Variants in NCALD observed in about 807,000 individuals in gnomAD.
NCALD encodes the protein neurocalcin-delta.
A neutral mutation model predicts 18.6 loss-of-function variants in NCALD; 10 were observed. The ratio of observed to expected loss-of-function variants is 0.54; its 90% CI spans 0.33 to 0.91. NCALD has a LOEUF of 0.91. Among genes scored for constraint, NCALD ranks in the 40% least tolerant of loss-of-function variants. The probability of loss-of-function intolerance (pLI) is 0.03; values close to 1 mark genes in which losing one functional copy is unlikely to be tolerated. For synonymous variants in NCALD, 88 were observed against 87.4 expected (o/e 1.01, Z -0.04); for missense variants, 184 against 247.6 (o/e 0.74, Z 1.72).
chr8:102,047,712 T>C (rs76638972), intron 1 of NCALD, among the ~76,000 whole-genome samples: 10,972 of 152,296 alleles, frequency 0.072, 525 homozygotes, highest in East Asian at 0.12. Context: ...GCCTTTTTTA[T>C]ACACTTTATG....
At chr8:101,899,336 A>T (rs1817330863) in intron 3 of NCALD, among the ~76,000 whole-genome samples, 1 of 151,894 alleles carries the variant, frequency 6.6e-6, no homozygotes, top group Non-Finnish European at 1.5e-5. Flanking sequence ...TTGCCTGCAA[A>T]TAGGAATGGT....
At chr8:102,099,469 C>G (rs1825204299) in intron 1 of NCALD, among the ~76,000 whole-genome samples, 4 of 152,078 alleles carry the variant, frequency 2.6e-5, no homozygotes, top group Admixed American at 2.6e-4. Context: ...CATAAGTAAA[C>G]AGGGAGAGCC....
At chr8:101,928,458 A>G (rs915219136) in intron 2 of NCALD, among the ~76,000 whole-genome samples, 1 of 152,102 alleles carries the variant, frequency 6.6e-6, no homozygotes, top group South Asian at 2.1e-4. Flanking sequence ...TTGGATGATA[A>G]TTTTTCAACT....
chr8:101,809,381 C>T (rs1301472370), intron 4 of NCALD, among the ~76,000 whole-genome samples: 2 of 152,108 alleles, frequency 1.3e-5, no homozygotes, highest in Non-Finnish European at 2.9e-5. Context: ...GAGTTTCTCA[C>T]AGGAAACTAA....
At chr8:102,011,459 C>A (rs1337100498) in intron 2 of NCALD, among the ~76,000 whole-genome samples, 49 of 152,294 alleles carry the variant, frequency 3.2e-4, no homozygotes, top group Non-Finnish European at 1.5e-5. Context: ...CTGTAAGTTT[C>A]TTGAGGACAG....
At chr8:101,785,185 A>G (rs987017276) in intron 1 of NCALD, among the ~76,000 whole-genome samples, 7 of 152,166 alleles carry the variant, frequency 4.6e-5, no homozygotes, top group African/African-American at 1.7e-4. Flanking sequence ...AGTTACTTTG[A>G]AAAGAACTTT....
Position 101,817,576 on chromosome 8 carries a change from C to CAAA in NCALD, c.-20+69562_-20+69564dup, listed in dbSNP as rs71268531. On this transcript the variant is annotated intron_variant, in intron 4 of 6. Coordinates refer to the NCALD transcript ENST00000311028. Reference sequence around the variant, plus strand: ...TTTGCTTCTTTAGCCAAGCAGCTACCAAAAAAAAAAGGAAAGAGACTGAAT... The same window carrying CAAA: ...TTTGCTTCTTTAGCCAAGCAGCTACCAAAAAAAAAAAAAGGAAAGAGACTGAAT... Among the ~76,000 whole-genome samples, 341 of 148,872 alleles carry CAAA rather than the reference C, an allele frequency of 2.3e-3. 2 individuals carry two copies. Among genetic ancestry groups the CAAA allele is most frequent in the African/African-American group, 2.1e-3 (84 of 40,520 alleles).
intron 1 of NCALD, among the ~76,000 whole-genome samples, chr8:101,757,230 T>A (rs1424206400): frequency 6.6e-6 from 1 of 152,214 alleles, no homozygotes; most frequent in Non-Finnish European, 1.5e-5. Flanking sequence ...GAACCTCTCA[T>A]AACATTTCCA....
At chr8:101,792,117 C>T (rs60621723), upstream of NCALD, among the ~76,000 whole-genome samples, 13 of 152,212 alleles carry the variant, frequency 8.5e-5, no homozygotes, top group East Asian at 2.5e-3. Flanking sequence ...AGAGACTGCC[C>T]TCAAAACCCT....
intron 1 of NCALD, among the ~76,000 whole-genome samples, chr8:101,775,341 C>T (rs1048986938): frequency 9.9e-5 from 15 of 152,168 alleles, no homozygotes; most frequent in African/African-American, 3.6e-4. Context: ...GCTAAAATTT[C>T]TGGTGCTTGG....
intron 2 of NCALD, among the ~76,000 whole-genome samples, chr8:102,000,911 C>A (rs1002666362): frequency 2.6e-5 from 4 of 152,176 alleles, no homozygotes; most frequent in East Asian, 1.9e-4. Context: ...GTAGACAAAA[C>A]CACAAAGATG....
chr8:101,927,740 G>A (rs1818390960), intron 2 of NCALD, among the ~76,000 whole-genome samples: 1 of 152,140 alleles, frequency 6.6e-6, no homozygotes, highest in African/African-American at 2.4e-5. Flanking sequence ...TCTACCCAGT[G>A]TCCTGTCCTT....
intron 2 of NCALD, among the ~76,000 whole-genome samples, chr8:101,923,339 C>A (rs1818230963): frequency 6.6e-6 from 1 of 152,206 alleles, no homozygotes; most frequent in Non-Finnish European, 1.5e-5. Flanking sequence ...TAATCTATCT[C>A]ACTCCCAGGA....
At chr8:102,120,667 A>G (rs1263226048) in intron 1 of NCALD, among the ~76,000 whole-genome samples, 3 of 152,234 alleles carry the variant, frequency 2.0e-5, no homozygotes, top group African/African-American at 7.2e-5. Flanking sequence ...CAGAGCCAAA[A>G]TAACATTCCT....
intron 1 of NCALD, among the ~76,000 whole-genome samples, chr8:102,096,533 C>T (rs1181016425): frequency 6.6e-6 from 1 of 151,334 alleles, no homozygotes; most frequent in Non-Finnish European, 1.5e-5. Context: ...CTTTTCTGCA[C>T]AGCAGATGGG....
At chr8:102,028,834 G>A (rs1477398301) in intron 1 of NCALD, among the ~76,000 whole-genome samples, 3 of 152,144 alleles carry the variant, frequency 2.0e-5, no homozygotes, top group Non-Finnish European at 2.9e-5. Flanking sequence ...AATTTTGAGA[G>A]TAAAGGGGGG....
At chr8:102,049,402 TC>T (rs1823353719) in intron 1 of NCALD, among the ~76,000 whole-genome samples, 1 of 152,184 alleles carries the variant, frequency 6.6e-6, no homozygotes, top group Non-Finnish European at 1.5e-5. Context: ...GAAAAAATAT[TC>T]CATTGTATGG....
intron 2 of NCALD, among the ~76,000 whole-genome samples, chr8:102,013,066 A>T (rs1237645866): frequency 6.6e-6 from 1 of 152,148 alleles, no homozygotes; most frequent in Non-Finnish European, 1.5e-5. Context: ...TCTCCTTCTC[A>T]ACATTCCTAC....
chr8:101,922,027 T>G (rs1444308037), intron 2 of NCALD, among the ~76,000 whole-genome samples: 1 of 151,722 alleles, frequency 6.6e-6, no homozygotes, highest in Non-Finnish European at 1.5e-5. Context: ...CACTGTAACC[T>G]CCACCTCTGG....
Sources: allele counts gnomAD v4.1 joint callset (sites outside exome capture counted in the v4.1 genomes callset), GRCh38; gene constraint gnomAD v4.1.1; transcripts MANE v1.5; gene names NCBI Gene and HGNC (gene_info 2026-07-23, HGNC 2026-07-21).